The following NR1H4 variants were observed in gnomAD, a reference collection of about 807,000 sequenced individuals.
The protein encoded by NR1H4 is nuclear receptor subfamily 1 group H member 4.
Under a neutral mutation model 58.5 loss-of-function variants are expected in NR1H4, and 23 were observed. The observed-to-expected ratio is 0.39, with a 90% CI of 0.28 to 0.56. The LOEUF (loss-of-function observed/expected upper bound fraction) is 0.56, where lower values mean the gene tolerates loss of function less well. Ranked by LOEUF, NR1H4 falls within the 20% of genes least tolerant of loss-of-function variation. The probability of loss-of-function intolerance (pLI) is 0.58; values close to 1 mark genes in which losing one functional copy is unlikely to be tolerated. For synonymous variants in NR1H4, 214 were observed against 198.0 expected (o/e 1.08, Z -0.68); for missense variants, 487 against 576.9 (o/e 0.84, Z 1.60).
intron 9 of NR1H4, among the ~76,000 whole-genome samples, chr12:100,543,400 G>T (rs1593118224): frequency 6.6e-6 from 1 of 152,152 alleles, no homozygotes; most frequent in African/African-American, 2.4e-5. Context: ...AGCCAGAACA[G>T]AAGTCACCTC....
chr12:100,553,976 C>T (rs770353390), intron 9 of NR1H4, among the ~76,000 whole-genome samples: 10 of 152,140 alleles, frequency 6.6e-5, no homozygotes, highest in Admixed American at 2.6e-4. Context: ...GAAATGAGAC[C>T]AACAGTGGCT....
At chr12:100,549,741 A>T (rs1430334776) in intron 9 of NR1H4, among the ~76,000 whole-genome samples, 1 of 152,212 alleles carries the variant, frequency 6.6e-6, no homozygotes. Flanking sequence ...AATATCAACC[A>T]TATATTGTGA....
intron 9 of NR1H4, among the ~76,000 whole-genome samples, chr12:100,552,920 T>TTA (rs1555196934): frequency 1.8e-4 from 20 of 109,086 alleles, no homozygotes; most frequent in East Asian, 6.2e-4. Flanking sequence ...GATTCTGTCA[T>TTA]AAAAAAAAAA....
intron 3 of NR1H4, among the ~76,000 whole-genome samples, chr12:100,509,520 C>A (rs1954052053): frequency 6.6e-6 from 1 of 152,152 alleles, no homozygotes; most frequent in African/African-American, 2.4e-5. Flanking sequence ...GTGTGCCAAA[C>A]ATTTAGCAAA....
chr12:100,549,744 T>C (rs1955162930), intron 9 of NR1H4, among the ~76,000 whole-genome samples: 1 of 152,192 alleles, frequency 6.6e-6, no homozygotes. Flanking sequence ...ATCAACCATA[T>C]ATTGTGACAA....
At chr12:100,486,416 A>C (rs1481638123) in intron 1 of NR1H4, among the ~76,000 whole-genome samples, 1 of 152,228 alleles carries the variant, frequency 6.6e-6, no homozygotes, top group African/African-American at 2.4e-5. Flanking sequence ...AAAAATGACA[A>C]GGAAGCATCA....
In NR1H4 at chr12:100,510,891, T is replaced by A; in HGVS notation, c.193T>A (p.Ser65Thr). Residue 65 changes from serine (S) to threonine (T), a missense_variant, in exon 4 of 11, where the codon TCC becomes ACC. Transcript: ENST00000392986. ...PQVQPQISSSSYYSNLGFYPQ... is the reference protein window; with the variant it reads ...PQVQPQISSSTYYSNLGFYPQ... The stretch of plus-strand genomic sequence containing the variant: ...AGTTCAACCACAGATTTCCTCGTCA[T>A]CCTATTATTCCAACCTGGGTTTCTA... 6.2e-7 allele frequency: 1 copy of A among 1,614,186 alleles called. No homozygotes were observed.
intron 5 of NR1H4, 69 bp from the exon 6 acceptor site, chr12:100,534,821 T>A (rs1180487567): frequency 1.3e-6 from 2 of 1,575,350 alleles, no homozygotes; most frequent in Non-Finnish European, 8.7e-7. Flanking sequence ...TACATATCAG[T>A]GGTTTTATGA....
At chr12:100,488,290 G>A (rs1953538345) in intron 1 of NR1H4, among the ~76,000 whole-genome samples, 1 of 152,184 alleles carries the variant, frequency 6.6e-6, no homozygotes, top group African/African-American at 2.4e-5. Context: ...GTGAGCCACT[G>A]CATCCGGCCA....
chr12:100,484,001 A>AG (rs1166317637), intron 1 of NR1H4, among the ~76,000 whole-genome samples: 4 of 151,920 alleles, frequency 2.6e-5, no homozygotes, highest in African/African-American at 9.7e-5. Flanking sequence ...AAAAAAAAAA[A>AG]AAAAGAATGT....
At chr12:100,550,995 G>A (rs1955191265) in intron 9 of NR1H4, among the ~76,000 whole-genome samples, 1 of 152,110 alleles carries the variant, frequency 6.6e-6, no homozygotes, top group African/African-American at 2.4e-5. Flanking sequence ...ACCTGCTCAA[G>A]TTCATACAGC....
intron 9 of NR1H4, among the ~76,000 whole-genome samples, chr12:100,556,010 A>C (rs1955314148): frequency 1.3e-5 from 2 of 152,208 alleles, no homozygotes; most frequent in Non-Finnish European, 2.9e-5. Flanking sequence ...AATAGAGTCC[A>C]CTGGGGTCAA....
chr12:100,475,124 C>CCTATCTTTCTATCTATCTATCTAT (rs1953238820), intron 1 of NR1H4, among the ~76,000 whole-genome samples: 2 of 143,210 alleles, frequency 1.4e-5, no homozygotes, highest in South Asian at 2.3e-4. Flanking sequence ...AAGTGGTTTA[C>CCTATCTTTCTATCTATCTATCTAT]CTATCTATCT....
chr12:100,553,006 C>CT (rs931109396), intron 9 of NR1H4, among the ~76,000 whole-genome samples: 26 of 148,736 alleles, frequency 1.7e-4, no homozygotes, highest in East Asian at 2.0e-4. Flanking sequence ...TCCCACTCTT[C>CT]TTTTTTTTTT....
At chr12:100,560,515 A>G (rs546808497) in intron 9 of NR1H4, among the ~76,000 whole-genome samples, 71 of 152,244 alleles carry the variant, frequency 4.7e-4, no homozygotes, top group African/African-American at 1.7e-3. Context: ...CTCACCGCAA[A>G]GGTCTGCAGC....
chr12:100,550,045 T>C (rs535712122), intron 9 of NR1H4, among the ~76,000 whole-genome samples: 1 of 152,338 alleles, frequency 6.6e-6, no homozygotes, highest in South Asian at 2.1e-4. Context: ...ATCTCTTTTC[T>C]TGTTCTTCAA....
In NR1H4 at chr12:100,536,816, C is replaced by T. The variant is rs138965284; in HGVS notation, c.832-132C>T. On this transcript the variant is annotated intron_variant, in intron 7 of 10. Coordinates refer to ENST00000392986, the MANE Select transcript of NR1H4 (RefSeq NM_001206979.2). ...TATCTTGATAATGGTAATTGCCCTC[C>T]AAAGATCTGAGAAATAGTAAGATGG... 1.7e-4 allele frequency: 118 copies of T among 680,108 alleles called. No individual in the cohort carries two copies. The African/African-American group carries it at 2.1e-3, about 12-fold the overall frequency. The allele number at this position is 680,108 out of a possible 1,614,324, so 42.1% of individuals were successfully genotyped here. A position where few individuals can be genotyped will look rare whatever the true frequency, so the allele number is the denominator to read the frequency against.
chr12:100,556,036 C>G (rs556367806), intron 9 of NR1H4, among the ~76,000 whole-genome samples: 7 of 152,140 alleles, frequency 4.6e-5, no homozygotes, highest in Non-Finnish European at 8.8e-5. Flanking sequence ...AAATCAAAGT[C>G]AAAGGGGAGC....
chr12:100,560,355 T>C (rs1955440196), intron 9 of NR1H4, among the ~76,000 whole-genome samples: 1 of 152,024 alleles, frequency 6.6e-6, no homozygotes, highest in African/African-American at 2.4e-5. Context: ...CAATAACTCT[T>C]GCTACTGCTC....
Sources: allele counts gnomAD v4.1 joint callset (sites outside exome capture counted in the v4.1 genomes callset), GRCh38; gene constraint gnomAD v4.1.1; transcripts MANE v1.5; gene names NCBI Gene and HGNC (gene_info 2026-07-23, HGNC 2026-07-21).